Variants in FBXL17 observed in about 807,000 individuals in gnomAD.
FBXL17 encodes the protein F-box and leucine rich repeat protein 17, also known as F-box/LRR-repeat protein 17.
Under a neutral mutation model 66.2 loss-of-function variants are expected in FBXL17, and 22 were observed. That is an observed-to-expected ratio of 0.33 (90% confidence interval 0.24 to 0.47). FBXL17 has a LOEUF of 0.47. Among genes scored for constraint, FBXL17 ranks in the 20% least tolerant of loss-of-function variants. FBXL17 has a pLI of 1.00. For missense variants in FBXL17, 878 were observed against 948.2 expected, an observed-to-expected ratio of 0.93 and a Z score of 0.97; for synonymous variants, 474 against 400.5, an observed-to-expected ratio of 1.18 and a Z score of -2.19.
intron 6 of FBXL17, among the ~76,000 whole-genome samples, chr5:108,069,232 T>C (rs1648522061): frequency 6.6e-6 from 1 of 152,198 alleles, no homozygotes; most frequent in African/African-American, 2.4e-5. Flanking sequence ...GAAACCATAA[T>C]ATCATTTGTT....
chr5:108,140,051 TTTTG>T lies in FBXL17; in HGVS notation c.1745+46062_1745+46065del, dbSNP rs899054347. 2.0e-5 allele frequency among the ~76,000 whole-genome samples: 3 copies of T among 152,242 alleles called. No individual in the cohort carries two copies. The South Asian group carries it at 6.2e-4, about 32-fold the overall frequency. ...GGGTTTAGTCCCCCACCCTATCATT[TTTTG>T]TTTGTTTGTTTGAGACAGGGTACTC... On this transcript the variant is annotated intron_variant, in intron 6 of 8. Coordinates refer to ENST00000542267, the MANE Select transcript of FBXL17 (RefSeq NM_001163315.3).
At chr5:107,962,861 C>A (rs1488566546) in intron 7 of FBXL17, among the ~76,000 whole-genome samples, 1 of 151,674 alleles carries the variant, frequency 6.6e-6, no homozygotes, top group African/African-American at 2.4e-5. Flanking sequence ...TAGATGTGCC[C>A]AAATTTGGCA....
intron 4 of FBXL17, among the ~76,000 whole-genome samples, chr5:108,325,370 T>A (rs1759802307): frequency 1.3e-5 from 2 of 152,080 alleles, no homozygotes; most frequent in Admixed American, 1.3e-4. Context: ...AATTCTTATC[T>A]CAAGGAGGAA....
rs750033081 is a variant in FBXL17 at position 108,236,524 on chromosome 5, CCAA to C, written c.1507-12299_1507-12297del. ...CAAGACTCTGTCTAAAAAAAAAAAA[CCAA>C]CAACAACAACCAAAAAAACACAAAA... On this transcript the variant is annotated intron_variant, in intron 4 of 8. Transcript: ENST00000542267. Among the ~76,000 whole-genome samples the C allele has an allele frequency of 9.1e-4, 137 of 150,002 alleles. No individual in the cohort carries two copies. The East Asian group carries it at 0.013, about 14-fold the overall frequency.
At chr5:108,018,242 G>T (rs1221403605) in intron 7 of FBXL17, among the ~76,000 whole-genome samples, 3 of 152,028 alleles carry the variant, frequency 2.0e-5, no homozygotes, top group African/African-American at 4.8e-5. Flanking sequence ...TTTCTAAGTA[G>T]CTTCAATAAT....
intron 7 of FBXL17, among the ~76,000 whole-genome samples, chr5:108,000,311 G>A (rs1753669609): frequency 6.6e-6 from 1 of 152,174 alleles, no homozygotes; most frequent in East Asian, 1.9e-4. Flanking sequence ...CCAGGCCAAG[G>A]TGAAAATAGA....
intron 4 of FBXL17, among the ~76,000 whole-genome samples, chr5:108,270,477 T>C (rs1362900239): frequency 6.7e-6 from 1 of 149,330 alleles, no homozygotes; most frequent in Non-Finnish European, 1.5e-5. Context: ...TATTTATAAA[T>C]ACATAAATCA....
chr5:108,232,793 A>ATATATATATATATATATAT (rs1755416020), intron 4 of FBXL17, among the ~76,000 whole-genome samples: 2 of 109,786 alleles, frequency 1.8e-5, no homozygotes, highest in African/African-American at 6.6e-5. Context: ...ATATATATAT[A>ATATATATATATATATATAT]TATATATATA....
At chr5:107,944,235 G>T (rs1428244038) in intron 7 of FBXL17, among the ~76,000 whole-genome samples, 3 of 151,964 alleles carry the variant, frequency 2.0e-5, no homozygotes, top group Non-Finnish European at 1.5e-5. Flanking sequence ...TACACATCTG[G>T]TTGTCTTGCT....
intron 6 of FBXL17, among the ~76,000 whole-genome samples, chr5:108,078,493 G>C (rs1748639157): frequency 6.6e-6 from 1 of 152,216 alleles, no homozygotes; most frequent in African/African-American, 2.4e-5. Flanking sequence ...GCCCTGCAAA[G>C]CTGTCTTTTG....
intron 7 of FBXL17, among the ~76,000 whole-genome samples, chr5:107,886,301 C>G (rs774884862): frequency 9.2e-5 from 14 of 152,144 alleles, no homozygotes; most frequent in Non-Finnish European, 2.1e-4. Flanking sequence ...TACACAGATA[C>G]ATAGATAGCT....
At chr5:108,341,407 T>G (rs1746872429) in intron 4 of FBXL17, among the ~76,000 whole-genome samples, 1 of 152,192 alleles carries the variant, frequency 6.6e-6, no homozygotes, top group Admixed American at 6.5e-5. Flanking sequence ...GGGACAACAG[T>G]ACGAATGTAA....
intron 7 of FBXL17, among the ~76,000 whole-genome samples, chr5:107,963,889 C>A (rs1424680571): frequency 6.6e-6 from 1 of 152,072 alleles, no homozygotes; most frequent in Non-Finnish European, 1.5e-5. Context: ...GAAATAGATT[C>A]TTTTCTAATT....
At chr5:108,353,323 G>A (rs911224349) in intron 3 of FBXL17, among the ~76,000 whole-genome samples, 2 of 152,118 alleles carry the variant, frequency 1.3e-5, no homozygotes, top group Non-Finnish European at 2.9e-5. Context: ...AACCTCAGCG[G>A]GAACCAGGGC....
intron 5 of FBXL17, among the ~76,000 whole-genome samples, chr5:108,207,101 A>G (rs1754153606): frequency 6.6e-6 from 1 of 152,210 alleles, no homozygotes; most frequent in Non-Finnish European, 1.5e-5. Flanking sequence ...TAGAACAATT[A>G]TAACAATATG....
chr5:108,055,308 A>AAACAAAAC (rs1747653779), intron 6 of FBXL17, among the ~76,000 whole-genome samples: 1 of 21,920 alleles, frequency 4.6e-5, no homozygotes, highest in African/African-American at 2.1e-4. Context: ...AAAAAAAAAA[A>AAACAAAAC]AAAAAGAAAA....
chr5:107,964,490 C>A (rs1752040440), intron 7 of FBXL17, among the ~76,000 whole-genome samples: 1 of 152,014 alleles, frequency 6.6e-6, no homozygotes, highest in Admixed American at 6.6e-5. Flanking sequence ...AATATCCAAA[C>A]TGGATCATAA....
chr5:108,042,162 G>A (rs924833596), intron 6 of FBXL17, among the ~76,000 whole-genome samples: 6 of 152,158 alleles, frequency 3.9e-5, no homozygotes, highest in African/African-American at 1.2e-4. Context: ...CCAAAGTGCT[G>A]GGATTACAGG....
At chr5:108,284,884 A>T (rs774049110) in intron 4 of FBXL17, among the ~76,000 whole-genome samples, 1 of 151,836 alleles carries the variant, frequency 6.6e-6, no homozygotes, top group Non-Finnish European at 1.5e-5. Context: ...TGATGTATCA[A>T]TGAACTCTTC....
Sources: gnomAD v4.1 joint callset for allele counts (sites outside exome capture counted in the v4.1 genomes callset) on GRCh38, gnomAD v4.1.1 for gene constraint, MANE v1.5 for transcripts, NCBI Gene and HGNC (gene_info 2026-07-23, HGNC 2026-07-21) for gene names.